LAMC1: variants seen among roughly 807,000 people sequenced by gnomAD.
The protein encoded by LAMC1 is laminin subunit gamma-1.
A neutral mutation model predicts 173.6 loss-of-function variants in LAMC1; 38 were observed. The ratio of observed to expected loss-of-function variants is 0.22; its 90% confidence interval spans 0.17 to 0.29. The LOEUF (loss-of-function observed/expected upper bound fraction) is 0.29. Ranked by LOEUF, LAMC1 falls within the 10% of genes least tolerant of loss-of-function variation. The probability of loss-of-function intolerance (pLI) is 1.00; values close to 1 mark genes in which losing one functional copy is unlikely to be tolerated. For missense variants in LAMC1, 1,824 were observed against 2,051.8 expected (o/e 0.89, Z 2.14); for synonymous variants, 746 against 749.1 (o/e 1.00, Z 0.07).
intron 1 of LAMC1, among the ~76,000 whole-genome samples, chr1:183,054,218 G>A (rs1377003550): frequency 6.6e-6 from 1 of 152,154 alleles, no homozygotes; most frequent in African/African-American, 2.4e-5. Flanking sequence ...ATGGTGTTGA[G>A]TGCTTTTCTT....
intron 1 of LAMC1, among the ~76,000 whole-genome samples, chr1:183,072,813 T>G (rs1655041627): frequency 1.3e-5 from 2 of 152,202 alleles, no homozygotes; most frequent in African/African-American, 4.8e-5. Flanking sequence ...TGAACCCTGT[T>G]GTGAAATGTG....
intron 27 of LAMC1, chr1:183,140,787 T>A (rs890162280): frequency 3.5e-5 from 7 of 198,998 alleles, no homozygotes; most frequent in Admixed American, 5.9e-5. Context: ...GACTTTAGGC[T>A]GTGTTAATGT....
rs2296292 is a variant in LAMC1, at chr1:183,117,622, A to C, written c.1776A>C (p.Ala592=). The C allele has an allele frequency of 0.57, 913,991 of 1,613,806 alleles. 262,221 individuals carry two copies. Among genetic ancestry groups the C allele is most frequent in the Admixed American group, 0.66 (39,679 of 60,012 alleles). ...RVDRRDTRLS[A]EDLVLEGAGL... is the part of the protein sequence containing the mutation. Reference sequence around the variant, plus strand: ...ACAGGCGAGATACTCGCCTCTCTGCAGAAGACCTTGTGCTTGAGGGAGCTG... The same window carrying C: ...ACAGGCGAGATACTCGCCTCTCTGCCGAAGACCTTGTGCTTGAGGGAGCTG... Residue 592 remains alanine, a synonymous_variant, in exon 10 of 28, where the codon GCA becomes GCC. Transcript: ENST00000258341.
In LAMC1 at chr1:183,116,476, C is replaced by CAAA. The variant is rs10689020; in HGVS notation, c.1329-90_1329-88dup. On this transcript the variant is annotated intron_variant, in intron 6 of 27. Transcript: ENST00000258341. ...TGGGCGACAGTGTGAGACTCTGTCT[C>CAAA]AAAAAAAAAAAAATCTGTTAACATG... is the stretch of plus-strand genomic sequence containing the variant. 7.6e-3 allele frequency: 5,259 copies of CAAA among 695,018 alleles called. 8 individuals carry two copies. The highest frequency in any genetic ancestry group is 8.9e-3 in the Admixed American group (301 of 33,938). The allele number at this position is 695,018 out of a possible 1,614,324, so 43.1% of individuals were successfully genotyped here. A position where few individuals can be genotyped will look rare whatever the true frequency, so the allele number is the denominator to read the frequency against.
At chr1:183,111,077 G>A (rs1218469239) in intron 4 of LAMC1, among the ~76,000 whole-genome samples, 3 of 150,294 alleles carry the variant, frequency 2.0e-5, no homozygotes, top group Non-Finnish European at 4.4e-5. Context: ...GCCATTCCAA[G>A]ATTATTTCTT....
chr1:183,097,984 G>A (rs1449882921), intron 1 of LAMC1, among the ~76,000 whole-genome samples: 1 of 151,078 alleles, frequency 6.6e-6, no homozygotes, highest in African/African-American at 2.5e-5. Context: ...AGATGTTCTG[G>A]TTGAATAGTT....
chr1:183,093,574 G>A (rs1655618176), intron 1 of LAMC1, among the ~76,000 whole-genome samples: 2 of 152,034 alleles, frequency 1.3e-5, no homozygotes. Context: ...CTAATCCCAT[G>A]GCTTTGAATA....
chr1:183,063,476 A>G (rs1415848163), intron 1 of LAMC1, among the ~76,000 whole-genome samples: 2 of 152,250 alleles, frequency 1.3e-5, no homozygotes, highest in Non-Finnish European at 2.9e-5. Flanking sequence ...AAGGTACCTT[A>G]GTGAAAATGA....
intron 1 of LAMC1, among the ~76,000 whole-genome samples, chr1:183,097,579 T>C (rs1210192043): frequency 1.3e-5 from 2 of 152,200 alleles, no homozygotes; most frequent in African/African-American, 4.8e-5. Flanking sequence ...GGAGCATTTA[T>C]GTTCCCCAGC....
At chr1:183,096,048 C>T (rs4491025) in intron 1 of LAMC1, among the ~76,000 whole-genome samples, 78,416 of 151,936 alleles carry the variant, frequency 0.52, 20,911 homozygotes, top group South Asian at 0.65. Flanking sequence ...TTTTGGCCCT[C>T]CAGTTTACTG....
chr1:183,039,078 C>T (rs1164459121), intron 1 of LAMC1, among the ~76,000 whole-genome samples: 1 of 152,062 alleles, frequency 6.6e-6, no homozygotes, highest in Admixed American at 6.5e-5. Context: ...TCAGTGGTTC[C>T]CATCCATCAT....
chr1:183,107,633 A>G (rs1336305437), intron 2 of LAMC1, among the ~76,000 whole-genome samples: 1 of 152,138 alleles, frequency 6.6e-6, no homozygotes, highest in Non-Finnish European at 1.5e-5. Context: ...GATCGAGACC[A>G]TCCTGGCTAA....
chr1:183,084,275 G>A (rs1470665112), intron 1 of LAMC1, among the ~76,000 whole-genome samples: 1 of 152,004 alleles, frequency 6.6e-6, no homozygotes, highest in Non-Finnish European at 1.5e-5. Context: ...CCCGGGAGGC[G>A]GAGCTTGCAG....
At chr1:183,101,757 G>A (rs1655839406) in intron 1 of LAMC1, among the ~76,000 whole-genome samples, 1 of 152,074 alleles carries the variant, frequency 6.6e-6, no homozygotes. Flanking sequence ...GTCTCAAAAT[G>A]CCCCATCCTG....
chr1:183,061,849 A>G (rs2102032422), intron 1 of LAMC1, among the ~76,000 whole-genome samples: 1 of 152,366 alleles, frequency 6.6e-6, no homozygotes, highest in South Asian at 2.1e-4. Flanking sequence ...TTTATATTGA[A>G]TGCTCATAAT....
At position 183,125,280 on chromosome 1, in the gene LAMC1, G is replaced by A. The variant is rs548534306; in HGVS notation, c.2648-117G>A. The A allele has an allele frequency of 6.6e-5, 65 of 988,030 alleles. No individual in the cohort carries two copies. In the African/African-American group the frequency reaches 8.5e-4, roughly 13 times the overall value. 61.2% of individuals were successfully genotyped at this position (988,030 alleles called of 1,614,324 possible). ...CATTTAAAGTGCTCAGTAGCCACAT[G>A]TGACAGCAGCTACCAACCTGGCAAC... On this transcript the variant is annotated intron_variant, in intron 14 of 27. Coordinates refer to ENST00000258341, the MANE Select transcript of LAMC1 (RefSeq NM_002293.4).
chr1:183,136,563 G>A lies in LAMC1; in HGVS notation c.4292G>A (p.Arg1431Lys), dbSNP rs1656947574. 16 of 1,610,902 alleles carry A rather than the reference G, an allele frequency of 9.9e-6. No homozygotes were observed. Among genetic ancestry groups the A allele is most frequent in the Non-Finnish European group, 1.4e-5 (16 of 1,178,348 alleles). Residue 1431 changes from arginine (R) to lysine (K), a missense_variant, in exon 25 of 28, where the codon AGG becomes AAG. By Grantham distance (26) the Arg-to-Lys change is conservative. Transcript: ENST00000258341. Reference protein sequence around the residue: ...EAKNKAHEAERIASAVQKNAT... With the variant: ...EAKNKAHEAEKIASAVQKNAT... ...AAGAACAAGGCCCATGAGGCGGAGA[G>A]GATCGCGAGCGCTGTCCAAAAGGTG... is the stretch of plus-strand genomic sequence containing the variant.
At chr1:183,131,172 C>CA (rs3065304) in intron 19 of LAMC1, 127 bp from the exon 20 acceptor site, 18,266 of 396,338 alleles carry the variant, frequency 0.046, 218 homozygotes, top group African/African-American at 0.12. Flanking sequence ...GAAACTATCT[C>CA]AAAAAAAAAA....
At chr1:183,118,007 T>C (rs1432795534) in intron 10 of LAMC1, 27 bp from the exon 11 acceptor site, 2 of 1,347,760 alleles carry the variant, frequency 1.5e-6, no homozygotes, top group Non-Finnish European at 2.1e-6. Context: ...CTTACAGAGG[T>C]TAATGTGGCC....
Sources: allele counts gnomAD v4.1 joint callset (sites outside exome capture counted in the v4.1 genomes callset), GRCh38; gene constraint gnomAD v4.1.1; transcripts MANE v1.5; gene names NCBI Gene and HGNC (gene_info 2026-07-23, HGNC 2026-07-21).